PPP1R13B: variants seen among roughly 807,000 people sequenced by gnomAD.
PPP1R13B encodes the protein protein phosphatase 1 regulatory subunit 13B.
A neutral mutation model predicts 119.8 loss-of-function variants in PPP1R13B; 44 were observed. That is an observed-to-expected ratio of 0.37 (90% CI 0.29 to 0.47). The LOEUF (loss-of-function observed/expected upper bound fraction) is 0.47, where lower values mean the gene tolerates loss of function less well. Among genes scored for constraint, PPP1R13B ranks in the 20% least tolerant of loss-of-function variants. The probability of loss-of-function intolerance (pLI) is 0.99; values close to 1 mark genes in which losing one functional copy is unlikely to be tolerated. For missense variants in PPP1R13B, 1,227 were observed against 1,413.5 expected (o/e 0.87, Z 2.12); for synonymous variants, 542 against 561.5 (o/e 0.97, Z 0.49).
chr14:103,834,072 T>A (rs1006786311), intron 1 of PPP1R13B, among the ~76,000 whole-genome samples: 1 of 152,172 alleles, frequency 6.6e-6, no homozygotes, highest in African/African-American at 2.4e-5. Context: ...CAGGCTGATA[T>A]AAGTACTACA....
At chr14:103,769,508 G>A (rs1192793622) in intron 4 of PPP1R13B, among the ~76,000 whole-genome samples, 1 of 152,086 alleles carries the variant, frequency 6.6e-6, no homozygotes. Flanking sequence ...TCAAAGTGCT[G>A]GGATCACAGG....
chr14:103,811,779 G>A lies in PPP1R13B; in HGVS notation c.10-14261C>T, dbSNP rs192754036. 7.3e-5 allele frequency among the ~76,000 whole-genome samples: 11 copies of A among 151,210 alleles called. No individual in the cohort carries two copies. In the East Asian group the frequency reaches 2.0e-3, roughly 27 times the overall value. On this transcript the variant is annotated intron_variant, in intron 1 of 16. Transcript: ENST00000202556. ...GGAGTCTCGCTCTGTCACCCAGGCC[G>A]GGCGCAGTGGCTCACACCTGTAATC...
chr14:103,843,132 G>A (rs1454713885), intron 1 of PPP1R13B, among the ~76,000 whole-genome samples: 4 of 152,130 alleles, frequency 2.6e-5, no homozygotes, highest in Non-Finnish European at 2.9e-5. Flanking sequence ...AGCACTTTGG[G>A]AAGTTGAGGT....
At chr14:103,793,972 T>A (rs2085691843) in intron 2 of PPP1R13B, among the ~76,000 whole-genome samples, 1 of 152,178 alleles carries the variant, frequency 6.6e-6, no homozygotes. Context: ...AAGTGGCCCC[T>A]AATCCAATAT....
At chr14:103,788,247 C>CT (rs1350809372) in intron 2 of PPP1R13B, among the ~76,000 whole-genome samples, 18 of 152,138 alleles carry the variant, frequency 1.2e-4, no homozygotes, top group African/African-American at 4.3e-4. Flanking sequence ...ATTTCTTAAA[C>CT]TTCCCTAGCT....
chr14:103,738,665 C>T lies in PPP1R13B; in HGVS notation c.2864+14G>A. ...AAAGTAAATCTGTCCACCCCACACT[C>T]CTACGGGCCTCACCATCCATCACTA... On this transcript the variant is annotated intron_variant, in intron 14 of 16. Coordinates refer to ENST00000202556, the MANE Select transcript of PPP1R13B (RefSeq NM_015316.3). This position sits in a 1 kb window ranked among gnomAD's most constrained non-coding sequence, Gnocchi z 5.6. The T allele has an allele frequency of 2.5e-6, 4 of 1,614,090 alleles. No individual in the cohort carries two copies. The highest frequency in any genetic ancestry group is 3.4e-6 in the Non-Finnish European group (4 of 1,179,942).
Position 103,749,823 on chromosome 14 carries a change from G to C in PPP1R13B, c.940C>G (p.Arg314Gly). The C allele has an allele frequency of 6.2e-7, 1 of 1,613,850 alleles. No homozygotes were observed. The highest frequency in any genetic ancestry group is 8.5e-7 in the Non-Finnish European group (1 of 1,179,950). ...AMMDKRISEL[R>G]ERLYGKKIQL... ...ATTTTTTTCCCATAGAGACGTTCAC[G>C]CAGTTCACTGATTCGCTTGTCCATC... is the stretch of plus-strand genomic sequence containing the variant. Residue 314 changes from arginine (R) to glycine (G), a missense_variant, in exon 8 of 17, where the codon CGT becomes GGT. Physicochemically the swap from Arg to Gly is moderately radical, Grantham distance 125. Transcript: ENST00000202556.
At chr14:103,817,475 G>T (rs1417348435) in intron 1 of PPP1R13B, among the ~76,000 whole-genome samples, 2 of 151,876 alleles carry the variant, frequency 1.3e-5, no homozygotes, top group Non-Finnish European at 2.9e-5. Context: ...AAACCTAAAG[G>T]TTTAAAAATA....
intron 11 of PPP1R13B, among the ~76,000 whole-genome samples, chr14:103,741,452 A>G (rs980060293): frequency 6.6e-6 from 1 of 152,156 alleles, no homozygotes; most frequent in African/African-American, 2.4e-5. Flanking sequence ...CCCTCTACGC[A>G]CTGGACAGCT....
intron 2 of PPP1R13B, among the ~76,000 whole-genome samples, chr14:103,786,286 C>T (rs1001092073): frequency 1.3e-5 from 2 of 152,108 alleles, no homozygotes; most frequent in South Asian, 4.1e-4. Flanking sequence ...AAGCAATCTG[C>T]CTGCCTCAGC....
intron 7 of PPP1R13B, among the ~76,000 whole-genome samples, chr14:103,750,732 G>A (rs186602415): frequency 5.7e-4 from 87 of 152,224 alleles, no homozygotes; most frequent in African/African-American, 2.0e-3. Flanking sequence ...TCGGGAGGCT[G>A]AGGCAGGAGA....
At chr14:103,838,000 T>C (rs1332727485) in intron 1 of PPP1R13B, among the ~76,000 whole-genome samples, 1 of 152,074 alleles carries the variant, frequency 6.6e-6, no homozygotes, top group Admixed American at 6.6e-5. Flanking sequence ...ACACCTGTAG[T>C]CCCAGCTCCT....
chr14:103,824,612 G>C (rs12894254), intron 1 of PPP1R13B, among the ~76,000 whole-genome samples: 67,277 of 150,756 alleles, frequency 0.45, 15,505 homozygotes, highest in African/African-American at 0.56. Context: ...ACGAGAATCG[G>C]TTGAACTGGG....
chr14:103,846,978 A>C, intron 1 of PPP1R13B: 1 of 1,191,580 alleles, frequency 8.4e-7, no homozygotes, highest in Non-Finnish European at 1.1e-6. Context: ...GCCACCCACC[A>C]GACCTGTGCC....
At chr14:103,771,418 T>G (rs1033794126) in intron 4 of PPP1R13B, among the ~76,000 whole-genome samples, 4 of 152,118 alleles carry the variant, frequency 2.6e-5, no homozygotes, top group African/African-American at 9.7e-5. Flanking sequence ...TAAAATATGT[T>G]TAGTGTGTTT....
At chr14:103,841,076 G>A (rs1375373802) in intron 1 of PPP1R13B, among the ~76,000 whole-genome samples, 2 of 151,922 alleles carry the variant, frequency 1.3e-5, no homozygotes, top group Non-Finnish European at 2.9e-5. Context: ...ACCTGAGGTC[G>A]GGAGTTCAAG....
chr14:103,841,381 AGTT>A, intron 1 of PPP1R13B, among the ~76,000 whole-genome samples: 2 of 151,710 alleles, frequency 1.3e-5, no homozygotes, highest in Non-Finnish European at 2.9e-5. Context: ...TGAAGTCAGG[AGTT>A]TGTGACCAGC....
At chr14:103,842,030 GTTAT>G (rs1474917692) in intron 1 of PPP1R13B, among the ~76,000 whole-genome samples, 4 of 152,118 alleles carry the variant, frequency 2.6e-5, no homozygotes, top group African/African-American at 9.7e-5. Context: ...TCAATTACGT[GTTAT>G]TTGTTTATTT....
chr14:103,805,574 A>G (rs148477803), intron 1 of PPP1R13B, among the ~76,000 whole-genome samples: 5 of 152,164 alleles, frequency 3.3e-5, no homozygotes, highest in African/African-American at 4.8e-5. Context: ...CTGTCTCAAA[A>G]AAAAGGAAGG....
Sources: gnomAD v4.1 joint callset for allele counts (sites outside exome capture counted in the v4.1 genomes callset) on GRCh38, gnomAD v4.1.1 for gene constraint, Gnocchi (gnomAD v3.1) non-coding constraint, MANE v1.5 for transcripts, NCBI Gene and HGNC (gene_info 2026-07-23, HGNC 2026-07-21) for gene names.